ZNF618: variants seen among roughly 807,000 people sequenced by gnomAD.
ZNF618 encodes the protein neural precursor cell expressed, developmentally down-regulated 10.
ZNF618 carries 34 observed loss-of-function variants against 103.0 expected under a neutral mutation model. The ratio of observed to expected loss-of-function variants is 0.33; its 90% CI spans 0.25 to 0.44. The LOEUF is 0.44. ZNF618 is among the 20% of genes least tolerant of loss of function. ZNF618 has a pLI of 1.00. For missense variants in ZNF618, 1,059 were observed against 1,295.4 expected (o/e 0.82, Z 2.80); for synonymous variants, 551 against 542.2 (o/e 1.02, Z -0.23).
chr9:113,942,247 C>CT (rs200706075), intron 1 of ZNF618, among the ~76,000 whole-genome samples: 246 of 144,614 alleles, frequency 1.7e-3, no homozygotes, highest in East Asian at 6.6e-3. Context: ...AATAGTTCTC[C>CT]TTTTTTTTTT....
chr9:113,928,913 G>A (rs1833331957), intron 1 of ZNF618, among the ~76,000 whole-genome samples: 1 of 152,142 alleles, frequency 6.6e-6, no homozygotes, highest in African/African-American at 2.4e-5. Flanking sequence ...AGATAGGAAG[G>A]CTCGACAGGC....
intron 1 of ZNF618, among the ~76,000 whole-genome samples, chr9:113,914,073 C>G (rs923618815): frequency 4.6e-5 from 7 of 152,164 alleles, no homozygotes; most frequent in African/African-American, 1.7e-4. Flanking sequence ...CTTTCCCCCT[C>G]TAAGCACACT....
chr9:114,018,470 A>G (rs964586704), intron 10 of ZNF618, among the ~76,000 whole-genome samples: 3 of 152,378 alleles, frequency 2.0e-5, no homozygotes, highest in African/African-American at 7.2e-5. Context: ...AGGCCAGACT[A>G]TAACCTTGAG....
intron 2 of ZNF618, among the ~76,000 whole-genome samples, chr9:113,974,064 G>A (rs1287079461): frequency 6.6e-6 from 1 of 152,228 alleles, no homozygotes; most frequent in Non-Finnish European, 1.5e-5. Context: ...GAATGAAACA[G>A]ACAGGAATCC....
At chr9:113,914,580 AAAG>A (rs1282551127) in intron 1 of ZNF618, among the ~76,000 whole-genome samples, 1 of 152,244 alleles carries the variant, frequency 6.6e-6, no homozygotes, top group African/African-American at 2.4e-5. Context: ...ATGCTAGTGT[AAAG>A]AAGATCTTCA....
intron 1 of ZNF618, among the ~76,000 whole-genome samples, chr9:113,895,384 A>G (rs1363731950): frequency 6.6e-6 from 1 of 152,108 alleles, no homozygotes; most frequent in African/African-American, 2.4e-5. Context: ...AGATTTTCTA[A>G]TATTAAACTA....
chr9:113,945,880 G>T (rs951202916), intron 1 of ZNF618, among the ~76,000 whole-genome samples: 1 of 152,182 alleles, frequency 6.6e-6, no homozygotes, highest in African/African-American at 2.4e-5. Context: ...GGGATGAAAG[G>T]CGTGATATAA....
At chr9:113,955,351 A>T (rs1481405693) in intron 1 of ZNF618, among the ~76,000 whole-genome samples, 7 of 150,656 alleles carry the variant, frequency 4.6e-5, no homozygotes, top group African/African-American at 7.4e-5. Flanking sequence ...TAATTTCAAA[A>T]TAGTCTGGTT....
At chr9:114,028,072 G>T (rs7040743) in intron 10 of ZNF618, 65,404 of 151,966 alleles carry the variant, frequency 0.43, 15,073 homozygotes, top group Middle Eastern at 0.62. Flanking sequence ...GGAAACTGCT[G>T]GAGAGCCAGC....
At chr9:113,915,541 C>A (rs924654178) in intron 1 of ZNF618, among the ~76,000 whole-genome samples, 2 of 152,036 alleles carry the variant, frequency 1.3e-5, no homozygotes. Context: ...TAAAGCCATC[C>A]GAGACTCTAA....
chr9:113,876,660 C>T (rs1169080334), intron 1 of ZNF618, among the ~76,000 whole-genome samples: 1 of 151,962 alleles, frequency 6.6e-6, no homozygotes. Flanking sequence ...CCTCCGGCCC[C>T]GGGCTCGGAC....
chr9:113,932,878 A>G (rs1390579392), intron 1 of ZNF618, among the ~76,000 whole-genome samples: 1 of 152,162 alleles, frequency 6.6e-6, no homozygotes, highest in African/African-American at 2.4e-5. Context: ...GCAGGCGAGC[A>G]GTGGTCAGGG....
intron 4 of ZNF618, among the ~76,000 whole-genome samples, chr9:113,999,436 C>T (rs1019210659): frequency 4.9e-4 from 74 of 152,296 alleles, no homozygotes; most frequent in African/African-American, 1.7e-3. Context: ...TACCAGCACA[C>T]AGTGCTCAGT....
intron 10 of ZNF618, among the ~76,000 whole-genome samples, chr9:114,025,752 A>G (rs138604501): frequency 6.6e-6 from 1 of 151,564 alleles, no homozygotes; most frequent in African/African-American, 2.4e-5. Context: ...CACTGGGAGG[A>G]TAACATGTCA....
At chr9:114,046,640 G>A (rs1399683176) in intron 13 of ZNF618, among the ~76,000 whole-genome samples, 2 of 152,124 alleles carry the variant, frequency 1.3e-5, no homozygotes, top group Non-Finnish European at 2.9e-5. Flanking sequence ...AGCTTTCAGT[G>A]TTTCATCATT....
Position 113,999,226 on chromosome 9 carries a change from C to T in ZNF618, c.433+872C>T, listed in dbSNP as rs377086045. ...TGGGGGCCCTGGGCTTTAGGCTGTG[C>T]GAGGGGCAGGCGGGGCCCTGGGTTT... is the stretch of plus-strand genomic sequence containing the variant. On this transcript the variant is annotated intron_variant, in intron 4 of 14. Transcript: ENST00000374126. Among the ~76,000 whole-genome samples the T allele has an allele frequency of 1.2e-3, 182 of 150,740 alleles. 1 individual carries two copies. Among genetic ancestry groups the T allele is most frequent in the African/African-American group, 4.1e-3 (169 of 40,868 alleles).
intron 2 of ZNF618, among the ~76,000 whole-genome samples, chr9:113,983,063 A>G (rs1027956098): frequency 3.9e-5 from 6 of 152,190 alleles, no homozygotes; most frequent in African/African-American, 1.4e-4. Context: ...ATATAAATCT[A>G]TTTTACAGCG....
rs919885073 is a variant in ZNF618 at position 113,988,396 on chromosome 9, T to C, written c.153T>C (p.Ser51=). The C allele has an allele frequency of 2.6e-5, 42 of 1,613,318 alleles. No individual in the cohort carries two copies. The highest frequency in any genetic ancestry group is 3.6e-5 in the Non-Finnish European group (42 of 1,179,858). The change falls in exon 3 of 15, where the codon AGT becomes AGC. Residue 51 remains serine (S), a synonymous_variant. Coordinates refer to ENST00000374126, the MANE Select transcript of ZNF618 (RefSeq NM_001318042.2). ...PEPVPAEASL[S]AEQGTMTEVK... is the part of the protein sequence containing the mutation. ...CAGTGCCAGCCGAGGCCTCGCTGAG[T>C]GCCGAGCAAGGAACGATGACGGAGG... is the stretch of plus-strand genomic sequence containing the variant.
chr9:113,922,468 T>C (rs1384216723), intron 1 of ZNF618, among the ~76,000 whole-genome samples: 1 of 135,590 alleles, frequency 7.4e-6, no homozygotes, highest in Non-Finnish European at 1.6e-5. Context: ...GAGGGTTTTG[T>C]TTTGGTTTGT....
Sources: gnomAD v4.1 joint callset for allele counts (sites outside exome capture counted in the v4.1 genomes callset) on GRCh38, gnomAD v4.1.1 for gene constraint, MANE v1.5 for transcripts, NCBI Gene and HGNC (gene_info 2026-07-23, HGNC 2026-07-21) for gene names.